ZNF407: variants seen among roughly 807,000 people sequenced by gnomAD.
ZNF407 encodes zinc finger protein 407.
In ZNF407, 17 loss-of-function variants were observed where a neutral mutation model predicts 131.2. The observed-to-expected ratio is 0.13, with a 90% CI of 0.09 to 0.19. The LOEUF is 0.19. Among genes scored for constraint, ZNF407 ranks in the 10% least tolerant of loss-of-function variants. ZNF407 has a pLI of 1.00. For synonymous variants in ZNF407, 1,156 were observed against 1,062.0 expected, an observed-to-expected ratio of 1.09 and a Z score of -1.72; for missense variants, 2,681 against 2,830.6, an observed-to-expected ratio of 0.95 and a Z score of 1.20.
In ZNF407 at chr18:74,633,578, A is replaced by T. The variant is rs1399813579; in HGVS notation, c.2559A>T (p.Ser853=). ...AAGGTAACATCTCACGGACGTGTTCACACTGTGGCCTTTTGGCCTCTAGTA... is the reference window on the plus strand; with the variant it reads ...AAGGTAACATCTCACGGACGTGTTCTCACTGTGGCCTTTTGGCCTCTAGTA... The part of the protein sequence containing the change: ...RPKGNISRTC[S]HCGLLASSIT... The change falls in exon 2 of 9, where the codon TCA becomes TCT. Residue 853 remains serine, a synonymous_variant. Transcript: ENST00000299687. The T allele has an allele frequency of 2.5e-6, 4 of 1,614,076 alleles. No individual in the cohort carries two copies. The highest frequency in any genetic ancestry group is 3.4e-6 in the Non-Finnish European group (4 of 1,179,896).
chr18:74,944,877 C>T (rs1380306132), intron 8 of ZNF407, among the ~76,000 whole-genome samples: 2 of 152,192 alleles, frequency 1.3e-5, no homozygotes, highest in East Asian at 3.8e-4. Context: ...AACCTCAGGG[C>T]CCAGAATCAT....
intron 5 of ZNF407, among the ~76,000 whole-genome samples, chr18:74,878,888 CAA>C (rs573213763): frequency 1.5e-4 from 14 of 94,130 alleles, no homozygotes; most frequent in Non-Finnish European, 2.2e-4. Flanking sequence ...CAACCCACTC[CAA>C]AAAAAAAAAA....
intron 3 of ZNF407, among the ~76,000 whole-genome samples, chr18:74,751,529 C>G (rs1310170952): frequency 1.3e-5 from 2 of 152,072 alleles, no homozygotes; most frequent in African/African-American, 2.4e-5. Flanking sequence ...CCCCTCCCCC[C>G]ACCACACGAC....
chr18:75,061,672 GCCCA>G (rs1373077474), intron 8 of ZNF407: 1 of 152,548 alleles, frequency 6.6e-6, no homozygotes, highest in East Asian at 1.9e-4. Context: ...GAATCCCACT[GCCCA>G]CCCAAGCCCT....
intron 8 of ZNF407, among the ~76,000 whole-genome samples, chr18:74,955,704 A>T (rs1462773532): frequency 6.6e-6 from 1 of 152,214 alleles, no homozygotes; most frequent in Non-Finnish European, 1.5e-5. Flanking sequence ...GTGATAACTA[A>T]GTGGGTACCC....
chr18:74,755,361 T>G (rs1968906039), intron 3 of ZNF407, among the ~76,000 whole-genome samples: 1 of 152,118 alleles, frequency 6.6e-6, no homozygotes, highest in Non-Finnish European at 1.5e-5. Flanking sequence ...GTTAATATTG[T>G]TATGTGTGAA....
chr18:74,648,443 C>G (rs891038715), intron 3 of ZNF407, among the ~76,000 whole-genome samples: 1 of 152,118 alleles, frequency 6.6e-6, no homozygotes, highest in Non-Finnish European at 1.5e-5. Flanking sequence ...TGGCCTTTCC[C>G]TCTGCTTTCC....
At chr18:74,671,100 C>T (rs1368022828) in intron 3 of ZNF407, among the ~76,000 whole-genome samples, 2 of 152,162 alleles carry the variant, frequency 1.3e-5, no homozygotes, top group Non-Finnish European at 2.9e-5. Flanking sequence ...CCTGAGTGCC[C>T]GTCCCCACCT....
chr18:74,628,412 A>G (rs1983898851), intron 1 of ZNF407, among the ~76,000 whole-genome samples: 2 of 152,030 alleles, frequency 1.3e-5, no homozygotes, highest in East Asian at 1.9e-4. Flanking sequence ...CTGCCTGCCT[A>G]CCCGCAGCCC....
At chr18:74,655,190 TCA>T (rs1790616281) in intron 3 of ZNF407, among the ~76,000 whole-genome samples, 1 of 152,026 alleles carries the variant, frequency 6.6e-6, no homozygotes, top group South Asian at 2.1e-4. Context: ...ATCTCTAAAT[TCA>T]GTCATTTTAT....
intron 4 of ZNF407, among the ~76,000 whole-genome samples, chr18:74,809,625 G>T (rs796583648): frequency 6.6e-6 from 1 of 152,152 alleles, no homozygotes; most frequent in Admixed American, 6.5e-5. Flanking sequence ...AAGAACTGGC[G>T]TATGGTTATA....
In ZNF407 at chr18:74,836,694, T is replaced by C. The variant is rs555856184; in HGVS notation, c.4878-40503T>C. On this transcript the variant is annotated intron_variant, in intron 4 of 8. Transcript: ENST00000299687. ...TATAGTAAAGGTAACTATCATTGCT[T>C]CAGAGTGTGCCAAGGCCAGGCTGAC... Among the ~76,000 whole-genome samples, 47 of 152,370 alleles carry C rather than the reference T, an allele frequency of 3.1e-4. 2 individuals are homozygous for C. The highest frequency in any genetic ancestry group is 1.1e-3 in the African/African-American group (47 of 41,582).
intron 8 of ZNF407, among the ~76,000 whole-genome samples, chr18:74,971,644 G>A (rs1972473792): frequency 6.6e-6 from 1 of 152,162 alleles, no homozygotes; most frequent in Non-Finnish European, 1.5e-5. Flanking sequence ...ATCGCTGTCA[G>A]CATTTTGGGC....
At chr18:75,052,160 A>T (rs896059925) in intron 8 of ZNF407, among the ~76,000 whole-genome samples, 1 of 152,286 alleles carries the variant, frequency 6.6e-6, no homozygotes, top group East Asian at 1.9e-4. Context: ...GCTTAATTTT[A>T]TGTATGCATG....
Position 74,632,751 on chromosome 18 carries a change from A to G in ZNF407, c.1732A>G (p.Ser578Gly). The change falls in exon 2 of 9, where the codon AGT becomes GGT. Residue 578 changes from serine (S) to glycine (G), a missense_variant. Ser to Gly is a moderately conservative substitution (Grantham distance 56, BLOSUM62 0). Transcript: ENST00000299687. Reference sequence around the variant, plus strand: ...AAGGGACTTAGATGAACATTTGCACAGTAACCAGCATCAGCAAACTGCTTC... The same window carrying G: ...AAGGGACTTAGATGAACATTTGCACGGTAACCAGCATCAGCAAACTGCTTC... ...SRRDLDEHLH[S>G]NQHQQTASVL... The G allele has an allele frequency of 1.9e-6, 3 of 1,614,078 alleles. No homozygotes were observed. Among genetic ancestry groups the G allele is most frequent in the Non-Finnish European group, 2.5e-6 (3 of 1,179,912 alleles).
intron 3 of ZNF407, among the ~76,000 whole-genome samples, chr18:74,666,430 TC>T (rs1985933188): frequency 6.6e-6 from 1 of 152,082 alleles, no homozygotes; most frequent in African/African-American, 2.4e-5. Context: ...AAAGCCTTAT[TC>T]CCTCCCTTGC....
At chr18:74,965,593 TG>T (rs1476579621) in intron 8 of ZNF407, among the ~76,000 whole-genome samples, 11 of 152,252 alleles carry the variant, frequency 7.2e-5, no homozygotes, top group Non-Finnish European at 1.5e-4. Context: ...TTCCAAATCC[TG>T]GCTATTGTGA....
chr18:74,881,136 C>T lies in ZNF407; in HGVS notation c.5128+17C>T. The T allele has an allele frequency of 3.2e-6, 5 of 1,557,886 alleles. No individual in the cohort carries two copies. Among genetic ancestry groups the T allele is most frequent in the Non-Finnish European group, 4.3e-6 (5 of 1,152,456 alleles). The stretch of plus-strand genomic sequence containing the variant: ...AGCACACAGGTCAGTTCCGATGCTG[C>T]ACTGGCCCCTTCTCTGCAGAGAGGA... On this transcript the variant is annotated intron_variant, in intron 6 of 8. Transcript: ENST00000299687.
chr18:74,733,165 A>G (rs561141780), intron 3 of ZNF407, among the ~76,000 whole-genome samples: 1 of 152,236 alleles, frequency 6.6e-6, no homozygotes, highest in East Asian at 1.9e-4. Context: ...AAGTTAGCTA[A>G]TGTTTTAAAT....
Sources: gnomAD v4.1 joint callset for allele counts (sites outside exome capture counted in the v4.1 genomes callset) on GRCh38, gnomAD v4.1.1 for gene constraint, MANE v1.5 for transcripts, NCBI Gene and HGNC (gene_info 2026-07-23, HGNC 2026-07-21) for gene names.